The following KIAA2012 variants were observed in gnomAD, a reference collection of about 807,000 sequenced individuals.
KIAA2012 encodes uncharacterized protein KIAA2012.
A neutral mutation model predicts 150.6 loss-of-function variants in KIAA2012; 125 were observed. That is an observed-to-expected ratio of 0.83 (90% confidence interval 0.72 to 0.96). KIAA2012 has a LOEUF of 0.96. Ranked by LOEUF, KIAA2012 falls within the 40% of genes least tolerant of loss-of-function variation. The pLI is 0.00. For synonymous variants in KIAA2012, 462 were observed against 504.7 expected, an observed-to-expected ratio of 0.92 and a Z score of 1.13; for missense variants, 1,219 against 1,354.9, an observed-to-expected ratio of 0.90 and a Z score of 1.57.
intron 13 of KIAA2012, among the ~76,000 whole-genome samples, chr2:202,153,681 T>A (rs964906704): frequency 6.6e-6 from 1 of 152,216 alleles, no homozygotes; most frequent in African/African-American, 2.4e-5. Context: ...GTACTTATGT[T>A]CCACTTCCTT....
chr2:202,118,019 A>G (rs1263026383), intron 11 of KIAA2012, among the ~76,000 whole-genome samples: 5 of 151,966 alleles, frequency 3.3e-5, no homozygotes, highest in Admixed American at 3.3e-4. Context: ...CCTTTCCCCA[A>G]GGAGATTCTC....
chr2:202,196,651 C>A, intron 21 of KIAA2012, 149 bp from the exon 22 acceptor site: 1 of 936,324 alleles, frequency 1.1e-6, no homozygotes, highest in Non-Finnish European at 1.6e-6. Context: ...CAAGGTACTC[C>A]CCAGAGAGGA....
Position 202,087,541 on chromosome 2 carries a change from C to T in KIAA2012, c.370-3229C>T, listed in dbSNP as rs187450485. ...AAAAAAAAAAAAAAAAAAAAGGCTG[C>T]TAACCCCTGATTTAGGCAATAAAGA... On this transcript the variant is annotated intron_variant, in intron 2 of 23. Transcript: ENST00000498697. Among the ~76,000 whole-genome samples, 41 of 133,668 alleles carry T rather than the reference C, an allele frequency of 3.1e-4. No homozygotes were observed. In the East Asian group the frequency reaches 9.0e-3, roughly 29 times the overall value. 87.7% of individuals were successfully genotyped at this position (133,668 alleles called of 152,430 possible). A position where few individuals can be genotyped will look rare whatever the true frequency, so the allele number is the denominator to read the frequency against.
chr2:202,143,075 A>ATTTTTT (rs59488285), intron 13 of KIAA2012, among the ~76,000 whole-genome samples: 6 of 124,988 alleles, frequency 4.8e-5, no homozygotes, highest in African/African-American at 3.1e-5. Flanking sequence ...CACTGGTTTA[A>ATTTTTT]TTTTTTTTTT....
At chr2:202,138,533 A>G (rs1228629033) in intron 13 of KIAA2012, 25 bp downstream of exon 13, 1 of 1,517,614 alleles carries the variant, frequency 6.6e-7, no homozygotes, top group Admixed American at 2.0e-5. Flanking sequence ...CTGAATGAGG[A>G]TGACACTAGG....
intron 22 of KIAA2012, 109 bp downstream of exon 22, chr2:202,197,128 C>G: frequency 6.7e-7 from 1 of 1,491,648 alleles, no homozygotes; most frequent in Non-Finnish European, 9.0e-7. Flanking sequence ...GTCCCCCCAC[C>G]CCCAGCATGG....
chr2:202,149,308 G>T (rs1378217447), intron 13 of KIAA2012, among the ~76,000 whole-genome samples: 2 of 152,214 alleles, frequency 1.3e-5, no homozygotes, highest in Non-Finnish European at 2.9e-5. Context: ...GGCGACAAAT[G>T]CCCTTTGTGC....
Position 202,104,268 on chromosome 2 carries a change from TACTC to T in KIAA2012, c.1324+1156_1324+1159del. On this transcript the variant is annotated intron_variant, in intron 8 of 23. Transcript: ENST00000498697. The surrounding 1 kb of genome is among the most constrained non-coding windows in gnomAD (Gnocchi z 4.3). ...TAGATTTTACCTTGCCAAAAAAAAT[TACTC>T]AGCTCCCTAAAAAAAATAATAATAA... Among the ~76,000 whole-genome samples, 1 of 152,286 alleles carries T rather than the reference TACTC, an allele frequency of 6.6e-6. No homozygotes were observed. The highest frequency in any genetic ancestry group is 1.5e-5 in the Non-Finnish European group (1 of 68,014).
intron 13 of KIAA2012, among the ~76,000 whole-genome samples, chr2:202,143,161 T>C (rs1379915544): frequency 6.7e-6 from 1 of 149,478 alleles, no homozygotes; most frequent in Non-Finnish European, 1.5e-5. Flanking sequence ...CTCGGCTCAC[T>C]GCAACCTCCG....
At chr2:202,179,812 C>A in intron 15 of KIAA2012, 1 of 621,182 alleles carries the variant, frequency 1.6e-6, no homozygotes, top group South Asian at 1.4e-5. Context: ...GGAAACTTCC[C>A]TTGAGAAAAG....
chr2:202,164,806 C>T (rs1691725201), intron 14 of KIAA2012, among the ~76,000 whole-genome samples: 2 of 152,208 alleles, frequency 1.3e-5, no homozygotes, highest in African/African-American at 2.4e-5. Context: ...TCGCCTTCCT[C>T]CAGTAAACTC....
intron 15 of KIAA2012, among the ~76,000 whole-genome samples, chr2:202,171,701 C>T (rs997359621): frequency 6.6e-6 from 1 of 152,272 alleles, no homozygotes; most frequent in Admixed American, 6.5e-5. Flanking sequence ...GAAAAGCAGG[C>T]ACGCATAGTC....
At chr2:202,100,174 T>TA (rs1211063499) in intron 6 of KIAA2012, 133 bp from the exon 7 acceptor site, 1 of 959,538 alleles carries the variant, frequency 1.0e-6, no homozygotes, top group African/African-American at 1.7e-5. Context: ...CCCCCAAAGC[T>TA]AGGGCTGTCC....
At chr2:202,164,520 T>A (rs1207097434) in intron 14 of KIAA2012, among the ~76,000 whole-genome samples, 1 of 152,108 alleles carries the variant, frequency 6.6e-6, no homozygotes, top group African/African-American at 2.4e-5. Context: ...GAAGAAGGGA[T>A]CAAATGTGAT....
intron 2 of KIAA2012, among the ~76,000 whole-genome samples, chr2:202,081,138 CT>C (rs1436247014): frequency 6.6e-6 from 1 of 152,184 alleles, no homozygotes; most frequent in Non-Finnish European, 1.5e-5. Context: ...AATGTCTTCA[CT>C]CATTAGAAGA....
intron 15 of KIAA2012, among the ~76,000 whole-genome samples, chr2:202,172,112 C>A (rs370201994): frequency 6.6e-6 from 1 of 152,214 alleles, no homozygotes; most frequent in Non-Finnish European, 1.5e-5. Context: ...CGTGAGCCAC[C>A]GCGCCTGGCC....
chr2:202,183,964 T>C (rs1692175545), intron 15 of KIAA2012, among the ~76,000 whole-genome samples: 2 of 152,238 alleles, frequency 1.3e-5, no homozygotes, highest in Admixed American at 1.3e-4. Flanking sequence ...TTTATATTTT[T>C]ACTTGTCATA....
chr2:202,131,263 C>T (rs1361417025), intron 12 of KIAA2012, among the ~76,000 whole-genome samples: 1 of 152,160 alleles, frequency 6.6e-6, no homozygotes, highest in African/African-American at 2.4e-5. Flanking sequence ...CCTCAGCCTC[C>T]CAAGTAGCTG....
chr2:202,189,934 A>C (rs902019095), intron 18 of KIAA2012, among the ~76,000 whole-genome samples: 2 of 152,036 alleles, frequency 1.3e-5, no homozygotes, highest in Non-Finnish European at 1.5e-5. Flanking sequence ...TCTACAAAAA[A>C]TACAAAAATT....
Sources: allele counts gnomAD v4.1 joint callset (sites outside exome capture counted in the v4.1 genomes callset), GRCh38; gene constraint gnomAD v4.1.1; non-coding constraint Gnocchi (gnomAD v3.1); transcripts MANE v1.5; gene names NCBI Gene and HGNC (gene_info 2026-07-23, HGNC 2026-07-21).